Variants in RBMS1 observed in about 807,000 individuals in gnomAD.
RBMS1 encodes the protein RNA binding motif single stranded interacting protein 1.
A neutral mutation model predicts 62.3 loss-of-function variants in RBMS1; 17 were observed. The observed-to-expected ratio is 0.27, with a 90% CI of 0.19 to 0.41. The LOEUF (loss-of-function observed/expected upper bound fraction) is 0.41, where lower values mean the gene tolerates loss of function less well. Among genes scored for constraint, RBMS1 ranks in the 10% least tolerant of loss-of-function variants. RBMS1 has a pLI of 1.00. For synonymous variants in RBMS1, 172 were observed against 170.0 expected, an observed-to-expected ratio of 1.01 and a Z score of -0.09; for missense variants, 334 against 504.5, an observed-to-expected ratio of 0.66 and a Z score of 3.24.
chr2:160,476,205 GAT>G (rs1685121337), intron 1 of RBMS1, among the ~76,000 whole-genome samples: 1 of 152,042 alleles, frequency 6.6e-6, no homozygotes, highest in African/African-American at 2.4e-5. Flanking sequence ...TTTAACTTAA[GAT>G]AGTCATTGAA....
intron 1 of RBMS1, among the ~76,000 whole-genome samples, chr2:160,476,843 C>T (rs1263174355): frequency 6.6e-6 from 1 of 152,000 alleles, no homozygotes; most frequent in African/African-American, 2.4e-5. Context: ...CGTGAGCCAC[C>T]GCGCCCGGCC....
At chr2:160,384,657 T>C (rs1279838352) in intron 1 of RBMS1, among the ~76,000 whole-genome samples, 1 of 152,206 alleles carries the variant, frequency 6.6e-6, no homozygotes, top group African/African-American at 2.4e-5. Context: ...TCTTCATCTG[T>C]ACAGTGAGGA....
At chr2:160,342,351 A>T (rs1691916620) in intron 2 of RBMS1, among the ~76,000 whole-genome samples, 1 of 152,146 alleles carries the variant, frequency 6.6e-6, no homozygotes, top group African/African-American at 2.4e-5. Flanking sequence ...TAGAGTATTT[A>T]AATGTTCAAA....
At chr2:160,325,576 T>C (rs1042790082) in intron 2 of RBMS1, among the ~76,000 whole-genome samples, 2 of 152,226 alleles carry the variant, frequency 1.3e-5, no homozygotes, top group African/African-American at 4.8e-5. Context: ...CTTTGTTTTT[T>C]CAATGGCCTC....
intron 2 of RBMS1, among the ~76,000 whole-genome samples, chr2:160,366,687 G>T (rs1462426802): frequency 6.6e-6 from 1 of 152,146 alleles, no homozygotes; most frequent in African/African-American, 2.4e-5. Context: ...ACTCTGAAAG[G>T]GCAGAATTGA....
chr2:160,442,096 T>C (rs943399427), intron 1 of RBMS1, among the ~76,000 whole-genome samples: 5 of 152,236 alleles, frequency 3.3e-5, no homozygotes, highest in African/African-American at 9.6e-5. Flanking sequence ...AGTTGGAACC[T>C]GTCTATTCAG....
rs6719369 is a variant in RBMS1, at chr2:160,292,203, T to G, written c.641-5119A>C. ...GGCTCATAATTAGTCTCCAAGGGTT[T>G]AAAATTCTGCTTTTGTATTTACTAG... On this transcript the variant is annotated intron_variant, in intron 6 of 13. Transcript: ENST00000348849. 6.2e-3 allele frequency among the ~76,000 whole-genome samples: 942 copies of G among 152,366 alleles called. 17 individuals carry two copies. Among genetic ancestry groups the G allele is most frequent in the African/African-American group, 0.02 (818 of 41,582 alleles).
chr2:160,313,782 G>T (rs933726711), intron 3 of RBMS1, among the ~76,000 whole-genome samples: 3 of 152,072 alleles, frequency 2.0e-5, no homozygotes, highest in Non-Finnish European at 4.4e-5. Flanking sequence ...CTCAGTTAAA[G>T]ATATCATATT....
At chr2:160,391,729 G>A (rs1336842434) in intron 1 of RBMS1, among the ~76,000 whole-genome samples, 2 of 152,146 alleles carry the variant, frequency 1.3e-5, no homozygotes, top group African/African-American at 4.8e-5. Context: ...TGTAATCCCA[G>A]CACTTTGGGA....
intron 6 of RBMS1, among the ~76,000 whole-genome samples, chr2:160,291,301 G>C (rs1688666642): frequency 6.6e-6 from 1 of 152,084 alleles, no homozygotes; most frequent in African/African-American, 2.4e-5. Context: ...TCAAAACACT[G>C]TAAAATGTAA....
At chr2:160,277,235 T>C (rs1687882504) in intron 12 of RBMS1, 68 bp downstream of exon 12, 2 of 1,365,216 alleles carry the variant, frequency 1.5e-6, no homozygotes, top group Non-Finnish European at 2.1e-6. Flanking sequence ...TTTTTCTGAG[T>C]TCTATTTAAT....
At chr2:160,423,743 C>T (rs1696526605) in intron 1 of RBMS1, among the ~76,000 whole-genome samples, 1 of 152,188 alleles carries the variant, frequency 6.6e-6, no homozygotes, top group Non-Finnish European at 1.5e-5. Context: ...CTTGGCTCTT[C>T]TCTTGGGATC....
intron 2 of RBMS1, among the ~76,000 whole-genome samples, chr2:160,342,137 A>T (rs573219175): frequency 6.6e-6 from 1 of 152,278 alleles, no homozygotes; most frequent in East Asian, 1.9e-4. Flanking sequence ...GGGAGACAAA[A>T]ATCATCTTCT....
chr2:160,407,315 C>T (rs1282503169), intron 1 of RBMS1: 26 of 980,774 alleles, frequency 2.7e-5, no homozygotes, highest in Non-Finnish European at 3.0e-5. Context: ...GCTCAGGTCG[C>T]CGGCCGAGCA....
rs1439921079 is a variant in RBMS1 at position 160,273,123 on chromosome 2, T to G, written c.*1649A>C. ...TGCAATTGCCTTAATAAAAGAGCTT[T>G]AATAACAGTGAATTATCTTATATGT... On this transcript the variant is annotated 3_prime_UTR_variant, in exon 14 of 14. Transcript: ENST00000348849. The G allele has an allele frequency of 1.3e-5, 2 of 152,268 alleles. No individual in the cohort carries two copies. Among genetic ancestry groups the G allele is most frequent in the African/African-American group, 2.4e-5 (1 of 41,474 alleles). 9.4% of individuals were successfully genotyped at this position (152,268 alleles called of 1,614,324 possible). A position where few individuals can be genotyped will look rare whatever the true frequency, so the allele number is the denominator to read the frequency against.
intron 4 of RBMS1, among the ~76,000 whole-genome samples, chr2:160,304,526 T>C (rs1170086588): frequency 3.3e-5 from 5 of 152,196 alleles, no homozygotes; most frequent in Admixed American, 6.5e-5. Flanking sequence ...TTTCAGTTAA[T>C]GGCGGATGGC....
intron 1 of RBMS1, among the ~76,000 whole-genome samples, chr2:160,448,640 G>A (rs1039351132): frequency 2.6e-5 from 4 of 152,290 alleles, no homozygotes; most frequent in Non-Finnish European, 4.4e-5. Context: ...ATCTCGGCTC[G>A]CTACGACCTC....
chr2:160,411,507 A>G (rs1003200133), intron 1 of RBMS1, among the ~76,000 whole-genome samples: 2 of 152,168 alleles, frequency 1.3e-5, no homozygotes, highest in Non-Finnish European at 2.9e-5. Flanking sequence ...GCCCCTCCAC[A>G]TGTGTACTTA....
At chr2:160,311,070 T>A (rs981281956) in intron 4 of RBMS1, among the ~76,000 whole-genome samples, 2 of 151,506 alleles carry the variant, frequency 1.3e-5, no homozygotes, top group South Asian at 4.2e-4. Flanking sequence ...GGCATGTGCC[T>A]GTAATCCCAG....
Sources: allele counts gnomAD v4.1 joint callset (sites outside exome capture counted in the v4.1 genomes callset), GRCh38; gene constraint gnomAD v4.1.1; transcripts MANE v1.5; gene names NCBI Gene and HGNC (gene_info 2026-07-23, HGNC 2026-07-21).